Variants in ELP5 observed in about 807,000 individuals in gnomAD.
ELP5 encodes the protein elongator complex protein 5.
ELP5 carries 34 observed loss-of-function variants against 33.4 expected under a neutral mutation model. The observed-to-expected ratio is 1.02, with a 90% CI of 0.78 to 1.36. The LOEUF (loss-of-function observed/expected upper bound fraction) is 1.36. Ranked by LOEUF, ELP5 falls within the 40% of genes most tolerant of loss-of-function variation. ELP5 has a pLI of 0.00. For synonymous variants in ELP5, 161 were observed against 146.4 expected, an observed-to-expected ratio of 1.10 and a Z score of -0.72; for missense variants, 373 against 371.7, an observed-to-expected ratio of 1.00 and a Z score of -0.03.
chr17:7,257,783 G>A (rs1272268920), intron 5 of ELP5, among the ~76,000 whole-genome samples: 1 of 152,192 alleles, frequency 6.6e-6, no homozygotes, highest in African/African-American at 2.4e-5. Context: ...TAAAGTGTAA[G>A]TGGGGCCCAG....
chr17:7,259,202 C>T (rs1433789836), intron 7 of ELP5: 6 of 1,388,468 alleles, frequency 4.3e-6, no homozygotes, highest in Non-Finnish European at 5.6e-6. Flanking sequence ...GGGAGGTGGC[C>T]CTATCCCTAG....
At position 7,256,892 on chromosome 17, in the gene ELP5, G is replaced by A; in HGVS notation, c.445G>A (p.Gly149Ser). Residue 149 changes from glycine to serine, a missense_variant, in exon 5 of 8, where the codon GGC becomes AGC. Coordinates refer to ENST00000396628, the MANE Select transcript of ELP5 (RefSeq NM_203414.3). Reference protein sequence around the residue: ...SSSVGKVSVLGLLHEELHGPG... With the variant: ...SSSVGKVSVLSLLHEELHGPG... ...CTCAGTGGGGAAAGTGAGTGTGCTG[G>A]GCTTGCTACATGAAGAGCTTCATGG... 6.2e-7 allele frequency: 1 copy of A among 1,614,178 alleles called. No homozygotes were observed. Among genetic ancestry groups the A allele is most frequent in the Non-Finnish European group, 8.5e-7 (1 of 1,180,040 alleles).
chr17:7,258,762 G>A, intron 6 of ELP5, 64 bp from the exon 7 acceptor site: 1 of 1,614,164 alleles, frequency 6.2e-7, no homozygotes, highest in Non-Finnish European at 8.5e-7. Context: ...AAGCTGCAGA[G>A]GTTGGGGGTG....
chr17:7,253,707 A>G (rs1431621838), intron 3 of ELP5, among the ~76,000 whole-genome samples: 1 of 152,208 alleles, frequency 6.6e-6, no homozygotes, highest in Non-Finnish European at 1.5e-5. Context: ...TTCAGATGGC[A>G]TTCCATGGCT....
chr17:7,252,491 G>C lies in ELP5; in HGVS notation c.-60G>C, dbSNP rs372754016. 5.0e-6 allele frequency: 8 copies of C among 1,612,990 alleles called. No individual in the cohort carries two copies. Among genetic ancestry groups the C allele is most frequent in the Non-Finnish European group, 6.8e-6 (8 of 1,179,628 alleles). Reference sequence around the variant, plus strand: ...CGGCCCGTTTCACCCCGAGGAGGAAGGACACTGGGTCATGACGCCATCAGA... The same window carrying C: ...CGGCCCGTTTCACCCCGAGGAGGAACGACACTGGGTCATGACGCCATCAGA... On this transcript the variant is annotated 5_prime_UTR_variant, in exon 1 of 8. Transcript: ENST00000396628.
rs1238533198 is a variant in ELP5 at position 7,258,874 on chromosome 17, G to A, written c.736G>A (p.Glu246Lys). 1.9e-6 allele frequency: 3 copies of A among 1,614,126 alleles called. No individual in the cohort carries two copies. The highest frequency in any genetic ancestry group is 1.7e-5 in the Admixed American group (1 of 60,024). The change falls in exon 7 of 8, where the codon GAG becomes AAG. Residue 246 changes from glutamate to lysine, a missense_variant. By Grantham distance (56) the Glu-to-Lys change is moderately conservative. Coordinates refer to ENST00000396628, the MANE Select transcript of ELP5 (RefSeq NM_203414.3). ...CTTTAACCTTCACCTGTCCAAGAAAGAGAGAGAAGCCAGAGATAGCCTGAT... is the reference window on the plus strand; with the variant it reads ...CTTTAACCTTCACCTGTCCAAGAAAAAGAGAGAAGCCAGAGATAGCCTGAT... ...LTFNLHLSKK[E>K]REARDSLILP...
At position 7,252,571 on chromosome 17, in the gene ELP5, C is replaced by G; in HGVS notation, c.21C>G (p.Ala7=). The stretch of plus-strand genomic sequence containing the variant: ...TGGAGATGTTGGACTCGCTGTTGGC[C>G]TTGGGCGGCCTGGTGCTGCTTCGGG... The part of the protein sequence containing the change: MLDSLL[A]LGGLVLLRDS... Residue 7 remains alanine, a synonymous_variant, in exon 1 of 8, where the codon GCC becomes GCG. Coordinates refer to ENST00000396628, the MANE Select transcript of ELP5 (RefSeq NM_203414.3). 1 of 1,613,294 alleles carries G rather than the reference C, an allele frequency of 6.2e-7. No individual in the cohort carries two copies. Among genetic ancestry groups the G allele is most frequent in the Non-Finnish European group, 8.5e-7 (1 of 1,179,850 alleles).
intron 3 of ELP5, among the ~76,000 whole-genome samples, 186 bp downstream of exon 3, chr17:7,253,184 G>A (rs2071991391): frequency 1.3e-5 from 2 of 152,194 alleles, no homozygotes; most frequent in African/African-American, 4.8e-5. Flanking sequence ...GGAGTCCAAA[G>A]CAAAGATCAT....
At chr17:7,256,417 A>T (rs1014901607) in intron 4 of ELP5, among the ~76,000 whole-genome samples, 1 of 152,228 alleles carries the variant, frequency 6.6e-6, no homozygotes, top group Non-Finnish European at 1.5e-5. Context: ...TGACCTTTGT[A>T]AGGATTCAAA....
In ELP5 at chr17:7,258,568, C is replaced by A. The variant is rs770810497; in HGVS notation, c.592-20C>A. Reference sequence around the variant, plus strand: ...TTTCTTCAGTAAGATGAAAAAAACTCTTTTCTTTTTTCTCTCCAGACTCAG... The same window carrying A: ...TTTCTTCAGTAAGATGAAAAAAACTATTTTCTTTTTTCTCTCCAGACTCAG... On this transcript the variant is annotated intron_variant, in intron 5 of 7. Coordinates refer to ENST00000396628, the MANE Select transcript of ELP5 (RefSeq NM_203414.3). 3 of 1,610,980 alleles carry A rather than the reference C, an allele frequency of 1.9e-6. No homozygotes were observed. Among genetic ancestry groups the A allele is most frequent in the Non-Finnish European group, 2.5e-6 (3 of 1,178,278 alleles).
chr17:7,252,119 G>C, upstream of ELP5: 2 of 331,692 alleles, frequency 6.0e-6, no homozygotes, highest in South Asian at 4.9e-5. Flanking sequence ...TCCAAGCGAG[G>C]CTGCAGTATT....
At chr17:7,257,435 T>G (rs962356967) in intron 5 of ELP5, among the ~76,000 whole-genome samples, 3 of 151,728 alleles carry the variant, frequency 2.0e-5, no homozygotes, top group African/African-American at 4.8e-5. Context: ...CTTGGAGTTT[T>G]TTTTTTTTTT....
At position 7,253,006 on chromosome 17, in the gene ELP5, C is replaced by T; in HGVS notation, c.188+8C>T. On this transcript the variant is annotated splice_region_variant and intron_variant, in intron 3 of 7. Coordinates refer to ENST00000396628, the MANE Select transcript of ELP5 (RefSeq NM_203414.3). ...CTCTGATATCAACAATCGGTAAGTA[C>T]CAGTTGGAAGAGATTTGATTAAATT... 6.2e-7 allele frequency: 1 copy of T among 1,613,626 alleles called. No individual in the cohort carries two copies. Among genetic ancestry groups the T allele is most frequent in the Non-Finnish European group, 8.5e-7 (1 of 1,179,580 alleles).
chr17:7,251,750 GAGGGCGGGGGCAGCGGCGCGCAA>G (rs1597578109), upstream of ELP5: 1 of 152,042 alleles, frequency 6.6e-6, no homozygotes, highest in South Asian at 2.0e-4. Flanking sequence ...CAGGAACGGG[GAGGGCGGGGGCAGCGGCGCGCAA>G]AGGGCCGCGG....
At position 7,259,735 on chromosome 17, in the gene ELP5, G is replaced by T. The variant is rs2072170211; in HGVS notation, c.*50G>T. On this transcript the variant is annotated 3_prime_UTR_variant, in exon 8 of 8. Transcript: ENST00000396628. ...ATTGGAGGGGGCGCGGGAAGACTTT[G>T]GGCCCAGAACCATCTTTCTATTGTT... 1.9e-6 allele frequency: 3 copies of T among 1,610,868 alleles called. No individual in the cohort carries two copies. Among genetic ancestry groups the T allele is most frequent in the Non-Finnish European group, 2.5e-6 (3 of 1,178,642 alleles).
Position 7,256,781 on chromosome 17 carries a change from T to G in ELP5, c.410-76T>G, listed in dbSNP as rs894406494. 7 of 1,469,192 alleles carry G rather than the reference T, an allele frequency of 4.8e-6. No individual in the cohort carries two copies. In the African/African-American group the frequency reaches 8.3e-5, roughly 18 times the overall value. 91.0% of individuals were successfully genotyped at this position (1,469,192 alleles called of 1,614,324 possible). ...GCACTGTGATGGAATTGTGAGGCTC[T>G]CTCTTCTTCACTGTTAGCTCCCAGG... On this transcript the variant is annotated intron_variant, in intron 4 of 7. Coordinates refer to ENST00000396628, the MANE Select transcript of ELP5 (RefSeq NM_203414.3).
intron 5 of ELP5, 140 bp from the exon 6 acceptor site, chr17:7,258,448 C>CAA (rs34867349): frequency 0.041 from 25,162 of 615,264 alleles, 4 homozygotes; most frequent in Middle Eastern, 0.067. Flanking sequence ...GACCCTGTCT[C>CAA]AAAAAAAAAA....
At chr17:7,259,206 T>C (rs2072153998) in intron 7 of ELP5, 10 of 1,386,222 alleles carry the variant, frequency 7.2e-6, no homozygotes, top group South Asian at 3.2e-5. Context: ...GGTGGCCCTA[T>C]CCCTAGGCAG....
At chr17:7,256,763 G>C (rs2072083528) in intron 4 of ELP5, 94 bp from the exon 5 acceptor site, 1 of 1,342,212 alleles carries the variant, frequency 7.5e-7, no homozygotes, top group Non-Finnish European at 1.1e-6. Context: ...GCAGCACTGT[G>C]ATGGAATTGT....
Sources: allele counts gnomAD v4.1 joint callset (sites outside exome capture counted in the v4.1 genomes callset), GRCh38; gene constraint gnomAD v4.1.1; transcripts MANE v1.5; gene names NCBI Gene and HGNC (gene_info 2026-07-23, HGNC 2026-07-21).